PRRC2C: variants seen among roughly 807,000 people sequenced by gnomAD.
The protein encoded by PRRC2C is protein PRRC2C.
Under a neutral mutation model 317.2 loss-of-function variants are expected in PRRC2C, and 72 were observed. That is an observed-to-expected ratio of 0.23 (90% CI 0.19 to 0.28). The LOEUF (loss-of-function observed/expected upper bound fraction) is 0.28. PRRC2C is among the 10% of genes least tolerant of loss of function. PRRC2C has a pLI of 1.00. For synonymous variants in PRRC2C, 1,296 were observed against 1,205.9 expected, an observed-to-expected ratio of 1.07 and a Z score of -1.55; for missense variants, 3,074 against 3,459.7, an observed-to-expected ratio of 0.89 and a Z score of 2.80.
chr1:171,544,662 G>A (rs1458545775), intron 16 of PRRC2C, among the ~76,000 whole-genome samples: 1 of 152,124 alleles, frequency 6.6e-6, no homozygotes, highest in African/African-American at 2.4e-5. Context: ...TCTCAACTAT[G>A]TAGCAAGATT....
intron 6 of PRRC2C, among the ~76,000 whole-genome samples, chr1:171,518,505 T>A (rs200750005): frequency 9.4e-6 from 1 of 106,260 alleles, no homozygotes; most frequent in South Asian, 3.3e-4. Context: ...TTTTTTTTTT[T>A]TTTTTTTTTG....
rs920423722 is a variant in PRRC2C, at chr1:171,586,063, A to AT, written c.7750-919dup. On this transcript the variant is annotated intron_variant, in intron 30 of 34. Transcript: ENST00000647382. ...ATCCGTCGCAGGAGGTCAGGTGTTG[A>AT]TTTTTTTTTTTTTTTTTTTTTGAGA... 5.6e-3 allele frequency among the ~76,000 whole-genome samples: 464 copies of AT among 82,986 alleles called. 41 individuals carry two copies. The highest frequency in any genetic ancestry group is 0.017 in the East Asian group (39 of 2,274). The allele number at this position is 82,986 out of a possible 152,430, so 54.4% of individuals were successfully genotyped here.
chr1:171,591,538 G>A, intron 34 of PRRC2C, 49 bp from the exon 35 acceptor site: 2 of 1,588,974 alleles, frequency 1.3e-6, no homozygotes, highest in Non-Finnish European at 1.7e-6. Context: ...GATTTGACAG[G>A]CTTTGGTAAT....
In PRRC2C at chr1:171,532,494, A is replaced by C. The variant is rs768594556; in HGVS notation, c.1406A>C (p.Glu469Ala). Residue 469 changes from glutamate (E) to alanine (A), a missense_variant, in exon 12 of 35, where the codon GAA becomes GCA. Glu to Ala is a moderately radical substitution (Grantham distance 107, BLOSUM62 -1). Around this residue, in one of 11 missense-constraint regions of PRRC2C, gnomAD observed 1,320 missense variants for 1,395.7 expected, o/e 0.95. Coordinates refer to ENST00000647382, the MANE Select transcript of PRRC2C (RefSeq NM_001387844.1). ...AAVERARKRR[E>A]EEERRMEEQR... ...GTAGAACGTGCTCGTAAACGGCGTGAAGAGGAAGAGCGAAGAATGGAAGAA... is the reference window on the plus strand; with the variant it reads ...GTAGAACGTGCTCGTAAACGGCGTGCAGAGGAAGAGCGAAGAATGGAAGAA... 1 of 1,611,956 alleles carries C rather than the reference A, an allele frequency of 6.2e-7. No homozygotes were observed. Among genetic ancestry groups the C allele is most frequent in the East Asian group, 2.2e-5 (1 of 44,838 alleles).
intron 1 of PRRC2C, among the ~76,000 whole-genome samples, chr1:171,507,463 T>C (rs1266373068): frequency 6.6e-6 from 1 of 152,078 alleles, no homozygotes; most frequent in East Asian, 1.9e-4. Context: ...ATACAAAAAT[T>C]AGCCGGGCAT....
Position 171,522,192 on chromosome 1 carries a change from C to G in PRRC2C, c.766C>G (p.Pro256Ala), listed in dbSNP as rs769008070. 2 of 1,584,030 alleles carry G rather than the reference C, an allele frequency of 1.3e-6. No homozygotes were observed. The highest frequency in any genetic ancestry group is 1.1e-5 in the South Asian group (1 of 87,356). The change falls in exon 7 of 35, where the codon CCG becomes GCG. Residue 256 changes from proline (P) to alanine (A), a missense_variant. Around this residue, in one of 11 missense-constraint regions of PRRC2C, gnomAD observed 237 missense variants for 199.5 expected, o/e 1.19. Transcript: ENST00000647382. ...MMPPYMFQQY[P>A]RMTYPPLHGP... ...CTTCATTCAGATGTTCCAACAGTAT[C>G]CGAGGATGACATATCCTCCTCTACA...
At chr1:171,575,245 T>C (rs1468637777) in intron 25 of PRRC2C, 117 bp downstream of exon 25, 2 of 1,031,664 alleles carry the variant, frequency 1.9e-6, no homozygotes, top group Non-Finnish European at 2.8e-6. Flanking sequence ...TCTTCCCACC[T>C]CAGCCTCCCA....
chr1:171,493,185 C>T (rs924375749), intron 1 of PRRC2C, among the ~76,000 whole-genome samples: 1 of 152,182 alleles, frequency 6.6e-6, no homozygotes, highest in Non-Finnish European at 1.5e-5. Context: ...CAATTCTCTA[C>T]ACTTAATAAA....
At chr1:171,579,540 A>C in intron 27 of PRRC2C, 74 bp downstream of exon 27, 1 of 1,534,370 alleles carries the variant, frequency 6.5e-7, no homozygotes, top group South Asian at 1.2e-5. Context: ...ATCTTGGAAC[A>C]TAAATAATAG....
chr1:171,569,931 G>C lies in PRRC2C; in HGVS notation c.6652-1389G>C, dbSNP rs181579356. ...AAATTCATTGAAAATATCCAGATGA[G>C]CATTTTGATGGTTTCTGTGTGATCT... On this transcript the variant is annotated intron_variant, in intron 23 of 34. Transcript: ENST00000647382. Among the ~76,000 whole-genome samples the C allele has an allele frequency of 2.2e-3, 329 of 152,110 alleles. 3 individuals carry two copies. Among genetic ancestry groups the C allele is most frequent in the Non-Finnish European group, 7.9e-4 (54 of 67,980 alleles).
At chr1:171,550,043 T>C (rs780712656) in intron 17 of PRRC2C, 43 bp from the exon 18 acceptor site, 2 of 1,487,784 alleles carry the variant, frequency 1.3e-6, no homozygotes, top group Non-Finnish European at 1.8e-6. Context: ...TAATTTTCAT[T>C]TGAAAAACAG....
chr1:171,589,613 CA>C lies in PRRC2C; in HGVS notation c.8436+9del. On this transcript the variant is annotated intron_variant, in intron 34 of 34. Transcript: ENST00000647382. ...GCTGAACAAGACATGAAGGTTAGTA[CA>C]GTGTTAACAGCCAACAGATCAAGAA... The C allele has an allele frequency of 3.9e-6, 5 of 1,282,616 alleles. No homozygotes were observed. Among genetic ancestry groups the C allele is most frequent in the Non-Finnish European group, 5.1e-6 (5 of 982,482 alleles). 79.5% of individuals were successfully genotyped at this position (1,282,616 alleles called of 1,614,324 possible). A position where few individuals can be genotyped will look rare whatever the true frequency, so the allele number is the denominator to read the frequency against.
At position 171,558,109 on chromosome 1, in the gene PRRC2C, C is replaced by T. The variant is rs1291714159; in HGVS notation, c.5997C>T (p.Ala1999=). ...LTAELWDNKV[A]PPAVLNDISK... is the part of the protein sequence containing the mutation. Reference sequence around the variant, plus strand: ...CTGAATTATGGGATAACAAGGTGGCCCCACCAGCTGTGCTGAATGATATCT... The same window carrying T: ...CTGAATTATGGGATAACAAGGTGGCTCCACCAGCTGTGCTGAATGATATCT... Residue 1999 remains alanine (A), a synonymous_variant, in exon 19 of 35, where the codon GCC becomes GCT. Transcript: ENST00000647382. The T allele has an allele frequency of 1.2e-6, 2 of 1,613,376 alleles. No individual in the cohort carries two copies. The highest frequency in any genetic ancestry group is 1.3e-5 in the African/African-American group (1 of 74,890).
intron 10 of PRRC2C, among the ~76,000 whole-genome samples, 179 bp from the exon 11 acceptor site, chr1:171,527,612 C>T (rs946754584): frequency 1.3e-5 from 2 of 152,032 alleles, no homozygotes; most frequent in African/African-American, 2.4e-5. Flanking sequence ...CAAAATTACC[C>T]AGTTGTGGTG....
Position 171,569,575 on chromosome 1 carries a change from AATATAT to A in PRRC2C, c.6651+1249_6651+1254del, listed in dbSNP as rs60832207. The stretch of plus-strand genomic sequence containing the variant: ...CCCCCACTTTTATGAAAGTGGTTTA[AATATAT>A]ATATATATATATGGTTTTTTTTTTC... On this transcript the variant is annotated intron_variant, in intron 23 of 34. Transcript: ENST00000647382. 6.7e-5 allele frequency among the ~76,000 whole-genome samples: 4 copies of A among 60,130 alleles called. 1 individual carries two copies. The highest frequency in any genetic ancestry group is 7.9e-4 in the South Asian group (1 of 1,260). The allele number at this position is 60,130 out of a possible 152,430, so 39.4% of individuals were successfully genotyped here.
chr1:171,494,524 G>A (rs2102062257), intron 1 of PRRC2C, among the ~76,000 whole-genome samples: 1 of 152,232 alleles, frequency 6.6e-6, no homozygotes, highest in East Asian at 1.9e-4. Flanking sequence ...AAATGGAAGA[G>A]ACCTTGTAAG....
chr1:171,519,405 A>G (rs1369350186), intron 6 of PRRC2C, among the ~76,000 whole-genome samples: 1 of 152,120 alleles, frequency 6.6e-6, no homozygotes, highest in African/African-American at 2.4e-5. Context: ...ATTGGTTCAT[A>G]TTTCTTTTAA....
intron 1 of PRRC2C, among the ~76,000 whole-genome samples, chr1:171,492,495 G>A (rs1667331530): frequency 6.6e-6 from 1 of 152,000 alleles, no homozygotes; most frequent in African/African-American, 2.4e-5. Context: ...AGTTGTGGAG[G>A]GTAGCGCACT....
At chr1:171,553,812 A>T (rs1186269284) in intron 18 of PRRC2C, among the ~76,000 whole-genome samples, 1 of 152,102 alleles carries the variant, frequency 6.6e-6, no homozygotes, top group African/African-American at 2.4e-5. Flanking sequence ...TTCTAATTTG[A>T]TTGCACTGTG....
Sources: gnomAD v4.1 joint callset for allele counts (sites outside exome capture counted in the v4.1 genomes callset) on GRCh38, gnomAD v4.1.1 for gene constraint, gnomAD v4.1.1 regional missense constraint, MANE v1.5 for transcripts, NCBI Gene and HGNC (gene_info 2026-07-23, HGNC 2026-07-21) for gene names.